Variants in CYFIP2 observed in about 807,000 individuals in gnomAD.
The protein encoded by CYFIP2 is cytoplasmic FMR1-interacting protein 2.
A neutral mutation model predicts 158.7 loss-of-function variants in CYFIP2; 29 were observed. The ratio of observed to expected loss-of-function variants is 0.18; its 90% CI spans 0.14 to 0.25. CYFIP2 has a LOEUF of 0.25. Among genes scored for constraint, CYFIP2 ranks in the 10% least tolerant of loss-of-function variants. The pLI, the probability that CYFIP2 is intolerant of heterozygous loss-of-function variation, is 1.00. For synonymous variants in CYFIP2, 585 were observed against 617.6 expected, an observed-to-expected ratio of 0.95 and a Z score of 0.78; for missense variants, 852 against 1,639.5, an observed-to-expected ratio of 0.52 and a Z score of 8.29.
intron 5 of CYFIP2, among the ~76,000 whole-genome samples, chr5:157,298,079 A>T (rs971920672): frequency 6.6e-6 from 1 of 152,214 alleles, no homozygotes; most frequent in South Asian, 2.1e-4. Context: ...GTGGAGCTCA[A>T]TCGGGGCCAT....
At position 157,389,414 on chromosome 5, in the gene CYFIP2, G is replaced by A; in HGVS notation, c.3433G>A (p.Glu1145Lys). 3 of 1,597,352 alleles carry A rather than the reference G, an allele frequency of 1.9e-6. No individual in the cohort carries two copies. The highest frequency in any genetic ancestry group is 2.6e-6 in the Non-Finnish European group (3 of 1,168,924). ...GTACTGCATCCCTGTGGGAACCAAC[G>A]AGTTCACAGCTGAGTGAGTACCCCC... ...FVYCIPVGTN[E>K]FTAEQCFGDG... The change falls in exon 29 of 31, where the codon GAG becomes AAG. Residue 1145 changes from glutamate (E) to lysine (K), a missense_variant. Physicochemically the swap from Glu to Lys is moderately conservative, Grantham distance 56. Around this residue, in one of 8 missense-constraint regions of CYFIP2, gnomAD observed 223 missense variants for 381.6 expected, o/e 0.58. Transcript: ENST00000620254.
At chr5:157,372,533 G>A (rs1413379337) in intron 26 of CYFIP2, among the ~76,000 whole-genome samples, 1 of 152,156 alleles carries the variant, frequency 6.6e-6, no homozygotes, top group Admixed American at 6.6e-5. Flanking sequence ...AACCAGACAA[G>A]GTTGTGACAT....
chr5:157,320,252 A>G (rs138615612), intron 14 of CYFIP2, among the ~76,000 whole-genome samples: 12 of 152,342 alleles, frequency 7.9e-5, no homozygotes, highest in African/African-American at 2.2e-4. Flanking sequence ...ACCTAAGCAC[A>G]TGCAGCATGG....
intron 1 of CYFIP2, among the ~76,000 whole-genome samples, chr5:157,272,663 C>G (rs746871834): frequency 1.2e-4 from 19 of 152,108 alleles, no homozygotes; most frequent in Non-Finnish European, 2.6e-4. Context: ...CTTTCTTACA[C>G]CATCTCCCTC....
chr5:157,390,386 T>G, intron 29 of CYFIP2, 135 bp from the exon 30 acceptor site: 1 of 762,342 alleles, frequency 1.3e-6, no homozygotes. Flanking sequence ...TTTGTACCCA[T>G]TTTATAGGTT....
chr5:157,368,898 TTTTG>T (rs1283632638), intron 26 of CYFIP2, among the ~76,000 whole-genome samples: 4 of 110,842 alleles, frequency 3.6e-5, no homozygotes, highest in Admixed American at 3.4e-4. Context: ...TTTTTTGTTT[TTTTG>T]TTTTTTTTTT....
At chr5:157,319,538 T>C (rs566240451) in intron 13 of CYFIP2, among the ~76,000 whole-genome samples, 37 of 152,318 alleles carry the variant, frequency 2.4e-4, no homozygotes, top group Non-Finnish European at 3.4e-4. Flanking sequence ...TGAGCTGACA[T>C]TTGTGTTTTG....
At chr5:157,390,762 G>C (rs2113559132) in intron 30 of CYFIP2, 94 bp downstream of exon 30, 2 of 1,527,350 alleles carry the variant, frequency 1.3e-6, no homozygotes, top group South Asian at 1.2e-5. Flanking sequence ...TGCTTGTGAA[G>C]GCCAGCTCCC....
intron 26 of CYFIP2, among the ~76,000 whole-genome samples, chr5:157,368,427 C>CACTCTG (rs760722470): frequency 4.4e-4 from 67 of 152,164 alleles, no homozygotes; most frequent in South Asian, 1.5e-3. Flanking sequence ...TTTTGCCCAT[C>CACTCTG]ACTCTGAGGG....
At chr5:157,269,739 G>A (rs954400133) in intron 1 of CYFIP2, among the ~76,000 whole-genome samples, 7 of 152,176 alleles carry the variant, frequency 4.6e-5, no homozygotes, top group Non-Finnish European at 1.0e-4. Context: ...TGGATCTGTG[G>A]CCTCTCTGTA....
chr5:157,329,621 T>A (rs1466541062), intron 19 of CYFIP2, among the ~76,000 whole-genome samples: 1 of 152,220 alleles, frequency 6.6e-6, no homozygotes, highest in Non-Finnish European at 1.5e-5. Flanking sequence ...GAAATTAATT[T>A]TAATAATATA....
chr5:157,373,718 G>T (rs1765206279), intron 26 of CYFIP2, among the ~76,000 whole-genome samples: 1 of 152,126 alleles, frequency 6.6e-6, no homozygotes, highest in South Asian at 2.1e-4. Flanking sequence ...AGAAGAGTAG[G>T]TATAATCTGT....
chr5:157,310,756 G>A (rs933152882), intron 10 of CYFIP2, among the ~76,000 whole-genome samples: 1 of 152,220 alleles, frequency 6.6e-6, no homozygotes, highest in Non-Finnish European at 1.5e-5. Context: ...CTCTTTGAGT[G>A]ATATTGAAGG....
rs1212684597 is a variant in CYFIP2, at chr5:157,384,110, T to C, written c.3207+751T>C. ...AGAAAGAAGACTTCAGCCTTTTCTG[T>C]AGTGTTCTAACAAGGGTGAATGAGC... On this transcript the variant is annotated intron_variant, in intron 28 of 30. Transcript: ENST00000620254. The C allele has an allele frequency of 1.7e-5, 6 of 356,308 alleles. No homozygotes were observed. In the Admixed American group the frequency reaches 2.2e-4, roughly 13 times the overall value. 22.1% of individuals were successfully genotyped at this position (356,308 alleles called of 1,614,324 possible). A position where few individuals can be genotyped will look rare whatever the true frequency, so the allele number is the denominator to read the frequency against.
intron 22 of CYFIP2, 145 bp from the exon 23 acceptor site, chr5:157,340,925 A>G: frequency 1.4e-6 from 1 of 694,802 alleles, no homozygotes; most frequent in South Asian, 1.7e-5. Flanking sequence ...AGAGTTTAGT[A>G]CCTTTATAGT....
chr5:157,311,313 C>T lies in CYFIP2; in HGVS notation c.993-351C>T, dbSNP rs202144455. 49 of 378,100 alleles carry T rather than the reference C, an allele frequency of 1.3e-4. No homozygotes were observed. In the East Asian group the frequency reaches 3.0e-3, roughly 23 times the overall value. 23.4% of individuals were successfully genotyped at this position (378,100 alleles called of 1,614,324 possible). On this transcript the variant is annotated intron_variant, in intron 10 of 30. Coordinates refer to ENST00000620254, the MANE Select transcript of CYFIP2 (RefSeq NM_001037333.3). The surrounding 1 kb of genome is among the most constrained non-coding windows in gnomAD (Gnocchi z 4.7). Reference sequence around the variant, plus strand: ...GTGGGTAGGCTGGTTTTGGAGGTTGCCCACCTTGCTTTTTCTGTGCTCAGA... The same window carrying T: ...GTGGGTAGGCTGGTTTTGGAGGTTGTCCACCTTGCTTTTTCTGTGCTCAGA...
chr5:157,374,215 A>G (rs1765252533), intron 26 of CYFIP2, among the ~76,000 whole-genome samples: 1 of 152,168 alleles, frequency 6.6e-6, no homozygotes, highest in African/African-American at 2.4e-5. Context: ...GCCTCTCAAT[A>G]GTGGTTGATG....
At chr5:157,355,219 G>C (rs755822254) in intron 23 of CYFIP2, among the ~76,000 whole-genome samples, 1 of 152,044 alleles carries the variant, frequency 6.6e-6, no homozygotes, top group African/African-American at 2.4e-5. Flanking sequence ...TCACTTTGTG[G>C]GGTACATGCT....
chr5:157,324,530 T>C (rs1760857611), intron 16 of CYFIP2, among the ~76,000 whole-genome samples: 1 of 152,162 alleles, frequency 6.6e-6, no homozygotes, highest in Non-Finnish European at 1.5e-5. Flanking sequence ...GAGTAGTATC[T>C]CAGGAACATG....
Sources: allele counts gnomAD v4.1 joint callset (sites outside exome capture counted in the v4.1 genomes callset), GRCh38; gene constraint gnomAD v4.1.1; regional missense constraint gnomAD v4.1.1; non-coding constraint Gnocchi (gnomAD v3.1); transcripts MANE v1.5; gene names NCBI Gene and HGNC (gene_info 2026-07-23, HGNC 2026-07-21).